DIP2A: variants seen among roughly 807,000 people sequenced by gnomAD.
DIP2A encodes the protein DIP2 acetate--CoA ligase A, also known as disco-interacting protein 2 homolog A.
DIP2A carries 85 observed loss-of-function variants against 177.4 expected under a neutral mutation model. The observed-to-expected ratio is 0.48, with a 90% confidence interval of 0.40 to 0.57. The LOEUF (loss-of-function observed/expected upper bound fraction) is 0.57. Ranked by LOEUF, DIP2A falls within the 20% of genes least tolerant of loss-of-function variation. The probability of loss-of-function intolerance (pLI) is 0.00; values close to 1 mark genes in which losing one functional copy is unlikely to be tolerated. For synonymous variants in DIP2A, 886 were observed against 881.8 expected (o/e 1.00, Z -0.08); for missense variants, 1,791 against 2,100.2 (o/e 0.85, Z 2.88).
At chr21:46,492,947 A>G (rs909641841) in intron 3 of DIP2A, among the ~76,000 whole-genome samples, 1 of 71,874 alleles carries the variant, frequency 1.4e-5, no homozygotes, top group Non-Finnish European at 3.5e-5. Context: ...AAAAAGGAAG[A>G]AAAAAAAAAG....
At chr21:46,546,191 G>A in intron 20 of DIP2A, 1 of 1,319,830 alleles carries the variant, frequency 7.6e-7, no homozygotes, top group Middle Eastern at 2.8e-4. Context: ...GGTCCCCGGG[G>A]TGGATGAGGA....
At chr21:46,541,427 G>C (rs1339067241) in intron 17 of DIP2A, among the ~76,000 whole-genome samples, 1 of 152,118 alleles carries the variant, frequency 6.6e-6, no homozygotes, top group Non-Finnish European at 1.5e-5. Flanking sequence ...CCGTCCTTCT[G>C]TTTGCCGGGC....
chr21:46,528,568 T>TTTTTTTTTTTA lies in DIP2A; in HGVS notation c.1103-524_1103-523insTTTTTTTTTTA, dbSNP rs1569043246. ...TTTTTTTTTTTTTTTTTTTTTTTTT[T>TTTTTTTTTTTA]AGATAATGTCTTTATTGCCCAGGCT... On this transcript the variant is annotated intron_variant, in intron 8 of 37. Coordinates refer to ENST00000417564, the MANE Select transcript of DIP2A (RefSeq NM_015151.4). 1.2e-4 allele frequency among the ~76,000 whole-genome samples: 11 copies of TTTTTTTTTTTA among 90,636 alleles called. 3 individuals are homozygous for TTTTTTTTTTTA. The highest frequency in any genetic ancestry group is 9.0e-4 in the East Asian group (2 of 2,220). 59.5% of individuals were successfully genotyped at this position (90,636 alleles called of 152,430 possible).
intron 8 of DIP2A, among the ~76,000 whole-genome samples, chr21:46,525,196 C>CT (rs34154418): frequency 1 from 152,220 of 152,224 alleles, 76,108 homozygotes; most frequent in Middle Eastern, 1. Flanking sequence ...CCGATTTTTG[C>CT]TTTTATGTTC....
intron 25 of DIP2A, 35 bp from the exon 26 acceptor site, chr21:46,554,134 C>T (rs1205226555): frequency 6.2e-7 from 1 of 1,605,906 alleles, no homozygotes. Context: ...CTGCACGCAC[C>T]AGCATACAGA....
intron 1 of DIP2A, among the ~76,000 whole-genome samples, chr21:46,473,733 C>T (rs1457222671): frequency 6.6e-6 from 1 of 152,068 alleles, no homozygotes; most frequent in Non-Finnish European, 1.5e-5. Context: ...CCAGGCTGGT[C>T]TCGAACTCCC....
At chr21:46,532,048 A>G (rs1398024560) in intron 9 of DIP2A, 79 bp from the exon 10 acceptor site, 54 of 1,369,786 alleles carry the variant, frequency 3.9e-5, no homozygotes, top group Non-Finnish European at 4.2e-5. Context: ...CAAAAATTTT[A>G]TTTATAACTA....
At chr21:46,483,565 G>T (rs1338615193) in intron 1 of DIP2A, among the ~76,000 whole-genome samples, 2 of 152,330 alleles carry the variant, frequency 1.3e-5, no homozygotes, top group African/African-American at 4.8e-5. Flanking sequence ...ACAGGCCGTG[G>T]CTCAGGCTCT....
At chr21:46,565,019 A>G (rs34010310) in intron 35 of DIP2A, among the ~76,000 whole-genome samples, 19,886 of 152,226 alleles carry the variant, frequency 0.13, 1,835 homozygotes, top group African/African-American at 0.26. Flanking sequence ...CCTCTTTCAG[A>G]CGCTGCCATG....
In DIP2A at chr21:46,563,611, C is replaced by T. The variant is rs761853206; in HGVS notation, c.4090-247C>T. 7.4e-6 allele frequency: 4 copies of T among 543,232 alleles called. No individual in the cohort carries two copies. The highest frequency in any genetic ancestry group is 1.9e-5 in the African/African-American group (1 of 52,200). 33.7% of individuals were successfully genotyped at this position (543,232 alleles called of 1,614,324 possible). ...CTTTGTAGGCTTAGTGACCCTCTGC[C>T]CCTCCTGACACCCAGAGACGGGATC... is the stretch of plus-strand genomic sequence containing the variant. On this transcript the variant is annotated intron_variant, in intron 34 of 37. Coordinates refer to ENST00000417564, the MANE Select transcript of DIP2A (RefSeq NM_015151.4). The surrounding 1 kb of genome is among the most constrained non-coding windows in gnomAD (Gnocchi z 4.3).
Position 46,569,088 on chromosome 21 carries a change from T to A in DIP2A, c.*1466T>A, listed in dbSNP as rs1378716147. The A allele has an allele frequency of 3.9e-5, 6 of 152,202 alleles. No individual in the cohort carries two copies. The highest frequency in any genetic ancestry group is 8.8e-5 in the Non-Finnish European group (6 of 68,030). The allele number at this position is 152,202 out of a possible 1,614,324, so 9.4% of individuals were successfully genotyped here. A position where few individuals can be genotyped will look rare whatever the true frequency, so the allele number is the denominator to read the frequency against. On this transcript the variant is annotated 3_prime_UTR_variant, in exon 38 of 38. Transcript: ENST00000417564. ...ATCTAAGACATAGATTATTTTTATA[T>A]AGCTAATGAAGAGTATGTTACGAAA...
At chr21:46,579,699 T>C in the DIP2A span, among the ~76,000 whole-genome samples, 1 of 152,210 alleles carries the variant, frequency 6.6e-6, no homozygotes, top group African/African-American at 2.4e-5. Flanking sequence ...TGTGCCTTAA[T>C]TTTATTGTTT....
At chr21:46,574,806 A>G (rs796492198), downstream of DIP2A, among the ~76,000 whole-genome samples, 19 of 152,316 alleles carry the variant, frequency 1.2e-4, no homozygotes, top group African/African-American at 4.6e-4. Context: ...TTAAGTAATA[A>G]AAGATCTATT....
chr21:46,526,397 C>CTTT (rs1357295827), intron 8 of DIP2A, among the ~76,000 whole-genome samples: 2 of 138,990 alleles, frequency 1.4e-5, no homozygotes, highest in Non-Finnish European at 3.2e-5. Flanking sequence ...ACGTTCATTC[C>CTTT]TTTTTTTTTT....
At chr21:46,469,930 C>G (rs1466950731) in intron 1 of DIP2A, among the ~76,000 whole-genome samples, 1 of 152,094 alleles carries the variant, frequency 6.6e-6, no homozygotes, top group Non-Finnish European at 1.5e-5. Flanking sequence ...GATACCTGTT[C>G]CATCTTTTGA....
At chr21:46,477,021 T>A (rs951433828) in intron 1 of DIP2A, among the ~76,000 whole-genome samples, 2 of 152,062 alleles carry the variant, frequency 1.3e-5, no homozygotes, top group Non-Finnish European at 1.5e-5. Flanking sequence ...GTAAAAAGGA[T>A]CATTTAATTT....
At position 46,561,695 on chromosome 21, in the gene DIP2A, C is replaced by G. The variant is rs776231197; in HGVS notation, c.4032-53C>G. The G allele has an allele frequency of 5.0e-6, 8 of 1,594,510 alleles. No individual in the cohort carries two copies. The East Asian group carries it at 1.8e-4, about 36-fold the overall frequency. On this transcript the variant is annotated intron_variant, in intron 33 of 37. Coordinates refer to ENST00000417564, the MANE Select transcript of DIP2A (RefSeq NM_015151.4). ...CAACGTCATGATCTGCCCTTTCAGACATTACTACCTGTGTAGTAAATTTTG... is the reference window on the plus strand; with the variant it reads ...CAACGTCATGATCTGCCCTTTCAGAGATTACTACCTGTGTAGTAAATTTTG...
In DIP2A at chr21:46,551,674, T is replaced by A; in HGVS notation, c.2880T>A (p.Ala960=). The change falls in exon 24 of 38, where the codon GCT becomes GCA. Residue 960 remains alanine (A), a synonymous_variant. Transcript: ENST00000417564. ...PASMIVGNLV[A]GKRIAQASGR... The stretch of plus-strand genomic sequence containing the variant: ...CAATGATCGTGGGGAACCTGGTTGC[T>A]GGGAAGAGAATCGCTCAGGCTTCCG... The A allele has an allele frequency of 1.2e-6, 2 of 1,614,032 alleles. No individual in the cohort carries two copies. The highest frequency in any genetic ancestry group is 1.7e-6 in the Non-Finnish European group (2 of 1,179,884).
intron 3 of DIP2A, among the ~76,000 whole-genome samples, chr21:46,495,244 T>TTCTTTCTCTCTCTCTCTCTCTC (rs2057274679): frequency 5.2e-5 from 2 of 38,208 alleles, no homozygotes; most frequent in Non-Finnish European, 9.8e-5. Flanking sequence ...CTTCTCTTCT[T>TTCTTTCTCTCTCTCTCTCTCTC]TCTCTCTCTC....
Sources: allele counts gnomAD v4.1 joint callset (sites outside exome capture counted in the v4.1 genomes callset), GRCh38; gene constraint gnomAD v4.1.1; non-coding constraint Gnocchi (gnomAD v3.1); transcripts MANE v1.5; gene names NCBI Gene and HGNC (gene_info 2026-07-23, HGNC 2026-07-21).